Variants in PPP1R12B observed in about 807,000 individuals in gnomAD.
PPP1R12B encodes the protein myosin phosphatase target subunit 2.
PPP1R12B carries 76 observed loss-of-function variants against 126.1 expected under a neutral mutation model. The observed-to-expected ratio is 0.60, with a 90% CI of 0.50 to 0.73. PPP1R12B has a LOEUF of 0.73. PPP1R12B is among the 30% of genes least tolerant of loss of function. The pLI is 0.00. For missense variants in PPP1R12B, 1,052 were observed against 1,205.1 expected (o/e 0.87, Z 1.88); for synonymous variants, 356 against 434.7 (o/e 0.82, Z 2.25).
chr1:202,528,901 G>A (rs1683638069), intron 18 of PPP1R12B, among the ~76,000 whole-genome samples: 1 of 152,060 alleles, frequency 6.6e-6, no homozygotes, highest in African/African-American at 2.4e-5. Flanking sequence ...CATCTTCAGA[G>A]CTACAGCCAT....
intron 1 of PPP1R12B, among the ~76,000 whole-genome samples, chr1:202,352,623 T>A (rs1285661020): frequency 6.6e-6 from 1 of 152,108 alleles, no homozygotes; most frequent in Non-Finnish European, 1.5e-5. Context: ...GGGTGGTGGC[T>A]CACGCTTGTA....
At chr1:202,472,031 A>G (rs1396981077) in intron 13 of PPP1R12B, 12 of 1,594,396 alleles carry the variant, frequency 7.5e-6, no homozygotes, top group Non-Finnish European at 9.3e-6. Context: ...TGAAGTAGGA[A>G]TTGGGGCTCT....
chr1:202,544,618 A>G (rs1247243840), intron 18 of PPP1R12B, among the ~76,000 whole-genome samples: 4 of 152,230 alleles, frequency 2.6e-5, no homozygotes, highest in Non-Finnish European at 4.4e-5. Context: ...GGTATTTGTT[A>G]TAATAGGATT....
At chr1:202,505,889 C>T (rs1046134398) in intron 18 of PPP1R12B, among the ~76,000 whole-genome samples, 3 of 151,912 alleles carry the variant, frequency 2.0e-5, no homozygotes, top group African/African-American at 7.2e-5. Flanking sequence ...AGCTCGTCCC[C>T]AGAATGAAAG....
At chr1:202,531,683 C>A (rs1468484618) in intron 18 of PPP1R12B, among the ~76,000 whole-genome samples, 1 of 152,168 alleles carries the variant, frequency 6.6e-6, no homozygotes, top group Non-Finnish European at 1.5e-5. Flanking sequence ...TGACTCATCA[C>A]CTTCTTGCCT....
intron 6 of PPP1R12B, 23 bp from the exon 7 acceptor site, chr1:202,430,708 C>G (rs1670082817): frequency 6.2e-7 from 1 of 1,610,416 alleles, no homozygotes; most frequent in African/African-American, 1.3e-5. Context: ...CTTCCCTTTT[C>G]TCTCTGTTTT....
chr1:202,458,444 A>G (rs528758398), intron 13 of PPP1R12B, among the ~76,000 whole-genome samples: 3 of 122,286 alleles, frequency 2.5e-5, no homozygotes, highest in East Asian at 6.6e-4. Flanking sequence ...CTGGTATTCC[A>G]CTGGAGAAAC....
intron 22 of PPP1R12B, among the ~76,000 whole-genome samples, chr1:202,568,396 T>G (rs907717847): frequency 2.6e-5 from 4 of 152,240 alleles, no homozygotes; most frequent in Non-Finnish European, 4.4e-5. Context: ...TTTTACATTC[T>G]TGGATTGGGA....
At chr1:202,460,541 A>G (rs1332894553) in intron 13 of PPP1R12B, among the ~76,000 whole-genome samples, 1 of 152,196 alleles carries the variant, frequency 6.6e-6, no homozygotes, top group East Asian at 1.9e-4. Context: ...AAGGTACTCA[A>G]AGAGGTTCCA....
intron 10 of PPP1R12B, chr1:202,438,649 G>A (rs1346212172): frequency 1.3e-5 from 7 of 549,850 alleles, no homozygotes; most frequent in Non-Finnish European, 2.4e-5. Context: ...GGAAGCAGCT[G>A]TTGAGGAAGA....
chr1:202,381,543 ATTTCCATCAGTGT>A (rs1662288718), intron 1 of PPP1R12B, among the ~76,000 whole-genome samples: 1 of 151,916 alleles, frequency 6.6e-6, no homozygotes, highest in Non-Finnish European at 1.5e-5. Flanking sequence ...ACATAGGAAA[ATTTCCATCAGTGT>A]TTTTCCTAAG....
chr1:202,458,832 T>C (rs879327027), intron 13 of PPP1R12B, among the ~76,000 whole-genome samples: 2 of 152,240 alleles, frequency 1.3e-5, no homozygotes, highest in African/African-American at 4.8e-5. Flanking sequence ...CTGAAGCCTG[T>C]GTTCACAGGT....
Position 202,437,840 on chromosome 1 carries a change from A to G in PPP1R12B, c.1274A>G (p.Asn425Ser). The part of the protein sequence containing the change: ...SARRFSSGLF[N>S]KPEEPKDESP... ...TCATAGTTCTCTTCTGGCCTTTTTA[A>G]CAAGCCAGAAGAGCCCAAAGATGAA... The change falls in exon 10 of 24, where the codon AAC becomes AGC. Residue 425 changes from asparagine to serine, a missense_variant. Coordinates refer to ENST00000608999, the MANE Select transcript of PPP1R12B (RefSeq NM_002481.4). The G allele has an allele frequency of 6.2e-7, 1 of 1,611,826 alleles. No individual in the cohort carries two copies. Among genetic ancestry groups the G allele is most frequent in the South Asian group, 1.1e-5 (1 of 90,782 alleles).
intron 13 of PPP1R12B, among the ~76,000 whole-genome samples, chr1:202,485,811 CT>C (rs1678039672): frequency 6.6e-6 from 1 of 152,104 alleles, no homozygotes; most frequent in Non-Finnish European, 1.5e-5. Context: ...AGAGGATGGG[CT>C]TTAGGTAACT....
At chr1:202,490,703 C>T (rs981101671) in intron 14 of PPP1R12B, among the ~76,000 whole-genome samples, 3 of 152,174 alleles carry the variant, frequency 2.0e-5, no homozygotes, top group African/African-American at 7.2e-5. Flanking sequence ...CTAGGAACCT[C>T]AAATAAGTAG....
At position 202,562,804 on chromosome 1, in the gene PPP1R12B, C is replaced by T; in HGVS notation, c.2534C>T (p.Thr845Ile). ...TTGGAATCGGGAGGTAGTAATCCTA[C>T]AACCAGTGATTCTTACGGTGACCGG... The part of the protein sequence containing the change: ...SRLESGGSNP[T>I]TSDSYGDRAS... The change falls in exon 20 of 24, where the codon ACA becomes ATA. Residue 845 changes from threonine (T) to isoleucine (I), a missense_variant. Coordinates refer to ENST00000608999, the MANE Select transcript of PPP1R12B (RefSeq NM_002481.4). The T allele has an allele frequency of 6.2e-7, 1 of 1,612,752 alleles. No homozygotes were observed. Among genetic ancestry groups the T allele is most frequent in the Non-Finnish European group, 8.5e-7 (1 of 1,179,318 alleles).
At position 202,352,528 on chromosome 1, in the gene PPP1R12B, C is replaced by T. The variant is rs535953397; in HGVS notation, c.291+3386C>T. Among the ~76,000 whole-genome samples, 8 of 152,180 alleles carry T rather than the reference C, an allele frequency of 5.3e-5. No individual in the cohort carries two copies. The East Asian group carries it at 5.8e-4, about 11-fold the overall frequency. ...TCACCATAGGTCTTGTCTCTTAGCACGGTCTGATCAGTCTTCATCTGGAGG... is the reference window on the plus strand; with the variant it reads ...TCACCATAGGTCTTGTCTCTTAGCATGGTCTGATCAGTCTTCATCTGGAGG... On this transcript the variant is annotated intron_variant, in intron 1 of 23. Coordinates refer to ENST00000608999, the MANE Select transcript of PPP1R12B (RefSeq NM_002481.4).
chr1:202,528,737 TTTTG>T (rs1683611901), intron 18 of PPP1R12B, among the ~76,000 whole-genome samples: 1 of 151,654 alleles, frequency 6.6e-6, no homozygotes, highest in Non-Finnish European at 1.5e-5. Flanking sequence ...TTTTTTTTGT[TTTTG>T]TTTTTGTTTT....
intron 18 of PPP1R12B, among the ~76,000 whole-genome samples, chr1:202,553,716 G>A (rs1218006023): frequency 6.6e-6 from 1 of 152,090 alleles, no homozygotes; most frequent in African/African-American, 2.4e-5. Context: ...GAGTCCCTAA[G>A]CCTTGTGTTC....
Sources: gnomAD v4.1 joint callset for allele counts (sites outside exome capture counted in the v4.1 genomes callset) on GRCh38, gnomAD v4.1.1 for gene constraint, MANE v1.5 for transcripts, NCBI Gene and HGNC (gene_info 2026-07-23, HGNC 2026-07-21) for gene names.